The following PLCB4 variants were observed in gnomAD, a reference collection of about 807,000 sequenced individuals.
PLCB4 encodes phospholipase C beta 4.
A neutral mutation model predicts 178.8 loss-of-function variants in PLCB4; 77 were observed. That is an observed-to-expected ratio of 0.43 (90% confidence interval 0.36 to 0.52). The LOEUF (loss-of-function observed/expected upper bound fraction) is 0.52. PLCB4 is among the 20% of genes least tolerant of loss of function. The probability of loss-of-function intolerance (pLI) is 0.00; values close to 1 mark genes in which losing one functional copy is unlikely to be tolerated. For synonymous variants in PLCB4, 496 were observed against 490.8 expected, an observed-to-expected ratio of 1.01 and a Z score of -0.14; for missense variants, 1,024 against 1,453.4, an observed-to-expected ratio of 0.70 and a Z score of 4.80.
rs552474231 is a variant in PLCB4, at chr20:9,379,480, G to A, written c.745-574G>A. 5.2e-4 allele frequency among the ~76,000 whole-genome samples: 79 copies of A among 152,024 alleles called. 2 individuals are homozygous for A. The highest frequency in any genetic ancestry group is 2.1e-4 in the South Asian group (1 of 4,800). On this transcript the variant is annotated intron_variant, in intron 12 of 39. Transcript: ENST00000378473. ...TAATTTTCATCATTACAATTGGTTCGTTTTGAAAAAAATAGTTACTCAAGA... is the reference window on the plus strand; with the variant it reads ...TAATTTTCATCATTACAATTGGTTCATTTTGAAAAAAATAGTTACTCAAGA...
At chr20:9,191,283 C>A (rs1410940240) in intron 2 of PLCB4, among the ~76,000 whole-genome samples, 1 of 141,038 alleles carries the variant, frequency 7.1e-6, no homozygotes, top group Non-Finnish European at 1.5e-5. Context: ...GAGATGGGAT[C>A]TTTAAGAAGT....
At chr20:9,420,942 T>C (rs945856500) in intron 26 of PLCB4, among the ~76,000 whole-genome samples, 32 of 152,188 alleles carry the variant, frequency 2.1e-4, no homozygotes, top group Non-Finnish European at 3.1e-4. Context: ...TTCAGAGCTA[T>C]GAAGGGTCTT....
At chr20:9,442,510 T>A (rs545552521) in intron 30 of PLCB4, among the ~76,000 whole-genome samples, 1 of 144,532 alleles carries the variant, frequency 6.9e-6, no homozygotes, top group East Asian at 2.1e-4. Context: ...CAAGACTTAG[T>A]TGAACCAAGA....
intron 3 of PLCB4, among the ~76,000 whole-genome samples, chr20:9,237,078 GA>G (rs1199333584): frequency 6.6e-6 from 1 of 151,766 alleles, no homozygotes; most frequent in Non-Finnish European, 1.5e-5. Flanking sequence ...GAGAATGAAT[GA>G]AAAAAAAGAC....
At chr20:9,339,891 A>G (rs983755424) in intron 7 of PLCB4, among the ~76,000 whole-genome samples, 5 of 152,206 alleles carry the variant, frequency 3.3e-5, no homozygotes, top group Non-Finnish European at 7.3e-5. Flanking sequence ...GAAGAAGTAG[A>G]AAGCCTCGTA....
chr20:9,253,260 C>T (rs113665631), intron 3 of PLCB4, among the ~76,000 whole-genome samples: 3 of 152,260 alleles, frequency 2.0e-5, no homozygotes, highest in Non-Finnish European at 2.9e-5. Flanking sequence ...GCAAGGGATC[C>T]GACTAGAATC....
At chr20:9,358,493 C>G (rs6039447) in intron 7 of PLCB4, among the ~76,000 whole-genome samples, 4 of 152,120 alleles carry the variant, frequency 2.6e-5, no homozygotes, top group African/African-American at 9.7e-5. Context: ...GGATCAAAAC[C>G]TAGAGATAAG....
intron 7 of PLCB4, among the ~76,000 whole-genome samples, chr20:9,358,688 AG>A (rs2035051411): frequency 6.6e-6 from 1 of 152,106 alleles, no homozygotes; most frequent in Admixed American, 6.5e-5. Flanking sequence ...TGAGGTCAGG[AG>A]TTCAACACAC....
Position 9,377,066 on chromosome 20 carries a change from A to T in PLCB4, c.745-2988A>T, listed in dbSNP as rs370485451. The stretch of plus-strand genomic sequence containing the variant: ...ATGAGTAAGCTTATCCTTGCCAATT[A>T]TTCCTTCTATATTTTTAAAATATTA... On this transcript the variant is annotated intron_variant, in intron 12 of 39. Coordinates refer to ENST00000378473, the MANE Select transcript of PLCB4 (RefSeq NM_001377142.1). 8.5e-5 allele frequency among the ~76,000 whole-genome samples: 13 copies of T among 152,252 alleles called. No individual in the cohort carries two copies. The East Asian group carries it at 1.9e-3, about 23-fold the overall frequency.
chr20:9,198,008 C>A (rs948873985), intron 2 of PLCB4, among the ~76,000 whole-genome samples: 21 of 151,182 alleles, frequency 1.4e-4, no homozygotes, highest in Admixed American at 1.1e-3. Context: ...AAAAAAAAAA[C>A]AAAATCTTAT....
chr20:9,284,684 C>G (rs2094522269), intron 3 of PLCB4, among the ~76,000 whole-genome samples: 1 of 151,842 alleles, frequency 6.6e-6, no homozygotes, highest in African/African-American at 2.4e-5. Flanking sequence ...TCATCAGTAT[C>G]TATGACATGT....
chr20:9,403,182 T>A (rs2039170504), intron 20 of PLCB4, among the ~76,000 whole-genome samples: 1 of 152,092 alleles, frequency 6.6e-6, no homozygotes, highest in South Asian at 2.1e-4. Flanking sequence ...ATCCTCATGA[T>A]CACTGGCGTC....
At chr20:9,128,680 A>C (rs1210483249) in intron 2 of PLCB4, among the ~76,000 whole-genome samples, 4 of 152,164 alleles carry the variant, frequency 2.6e-5, no homozygotes, top group Non-Finnish European at 2.9e-5. Context: ...GAGCCACCGC[A>C]CCCAGCCAGT....
intron 1 of PLCB4, among the ~76,000 whole-genome samples, chr20:9,086,611 A>T (rs2090434192): frequency 6.6e-6 from 1 of 152,046 alleles, no homozygotes; most frequent in Non-Finnish European, 1.5e-5. Context: ...CTGGAGTCAG[A>T]CCCTGCTCAG....
intron 35 of PLCB4, among the ~76,000 whole-genome samples, chr20:9,465,186 C>T (rs1370923459): frequency 6.6e-6 from 1 of 152,112 alleles, no homozygotes; most frequent in African/African-American, 2.4e-5. Context: ...TAACAAAAAC[C>T]ACATGATTAT....
At chr20:9,084,512 T>C (rs1437868577) in intron 1 of PLCB4, among the ~76,000 whole-genome samples, 1 of 113,768 alleles carries the variant, frequency 8.8e-6, no homozygotes, top group Non-Finnish European at 2.1e-5. Context: ...TTGTAATTTT[T>C]TTTTTTGTGT....
chr20:9,344,509 C>A (rs2033594251), intron 7 of PLCB4, among the ~76,000 whole-genome samples: 1 of 152,166 alleles, frequency 6.6e-6, no homozygotes, highest in African/African-American at 2.4e-5. Context: ...TCAATAAAAA[C>A]CTATTCTATT....
intron 35 of PLCB4, among the ~76,000 whole-genome samples, chr20:9,466,507 T>C (rs2043795314): frequency 6.6e-6 from 1 of 152,138 alleles, no homozygotes; most frequent in African/African-American, 2.4e-5. Flanking sequence ...ACTCACAGAA[T>C]GGGAGAAAAT....
intron 27 of PLCB4, 147 bp from the exon 28 acceptor site, chr20:9,423,601 C>T (rs1490215105): frequency 4.7e-6 from 3 of 642,984 alleles, no homozygotes; most frequent in Non-Finnish European, 8.4e-6. Flanking sequence ...TCATGCAGTA[C>T]ATTTTGGGGA....
Sources: allele counts gnomAD v4.1 joint callset (sites outside exome capture counted in the v4.1 genomes callset), GRCh38; gene constraint gnomAD v4.1.1; transcripts MANE v1.5; gene names NCBI Gene and HGNC (gene_info 2026-07-23, HGNC 2026-07-21).